The following CLN6 variants were observed in gnomAD, a reference collection of about 807,000 sequenced individuals.
The protein encoded by CLN6 is CLN6 transmembrane ER protein.
Under a neutral mutation model 33.3 loss-of-function variants are expected in CLN6, and 22 were observed. The ratio of observed to expected loss-of-function variants is 0.66; its 90% confidence interval spans 0.47 to 0.94. CLN6 has a LOEUF of 0.94. Among genes scored for constraint, CLN6 ranks in the 40% least tolerant of loss-of-function variants. The pLI is 0.00. For missense variants in CLN6, 387 were observed against 417.1 expected (o/e 0.93, Z 0.63); for synonymous variants, 201 against 174.6 (o/e 1.15, Z -1.19).
chr15:68,217,271 G>T (rs964931059), intron 2 of CLN6, among the ~76,000 whole-genome samples: 5 of 152,248 alleles, frequency 3.3e-5, no homozygotes, highest in African/African-American at 1.2e-4. Flanking sequence ...TCACTGTGTT[G>T]CCCAGGCTGG....
At chr15:68,235,589 T>TAA (rs1410087685) in intron 1 of CLN6, among the ~76,000 whole-genome samples, 1,368 of 6,080 alleles carry the variant, frequency 0.23, 8 homozygotes, top group East Asian at 0.47. Context: ...TAAAAATAAA[T>TAA]ATATATATAT....
rs987724256 is a variant in CLN6 at position 68,228,942 on chromosome 15, A to G, written c.83+560T>C. ...AACCAAAAACTGAGAAGGGCTCCTCATTCATTCTCTGGACGGCAGCTTCCG... is the reference window on the plus strand; with the variant it reads ...AACCAAAAACTGAGAAGGGCTCCTCGTTCATTCTCTGGACGGCAGCTTCCG... On this transcript the variant is annotated intron_variant, in intron 1 of 6. Transcript: ENST00000249806. This position sits in a 1 kb window ranked among gnomAD's most constrained non-coding sequence, Gnocchi z 4.4. Among the ~76,000 whole-genome samples the G allele has an allele frequency of 5.9e-5, 9 of 152,070 alleles. No individual in the cohort carries two copies. Among genetic ancestry groups the G allele is most frequent in the Admixed American group, 2.6e-4 (4 of 15,274 alleles).
rs1367255811 is a variant in CLN6 at position 68,227,725 on chromosome 15, G to C, written c.83+1777C>G. Among the ~76,000 whole-genome samples the C allele has an allele frequency of 1.4e-4, 21 of 152,214 alleles. No individual in the cohort carries two copies. Among genetic ancestry groups the C allele is most frequent in the Admixed American group, 1.4e-3 (21 of 15,282 alleles). ...GCCCTGGTTCTTGCCAGCAAATGAT[G>C]TAACCTCTTTGGGCCTCCATTTCCC... On this transcript the variant is annotated intron_variant, in intron 1 of 6. Transcript: ENST00000249806. The surrounding 1 kb of genome is among the most constrained non-coding windows in gnomAD (Gnocchi z 4.1).
In CLN6 at chr15:68,209,608, C is replaced by T. The variant is rs1384663208; in HGVS notation, c.665+29G>A. 7 of 1,610,620 alleles carry T rather than the reference C, an allele frequency of 4.3e-6. No homozygotes were observed. Among genetic ancestry groups the T allele is most frequent in the Admixed American group, 1.7e-5 (1 of 59,996 alleles). On this transcript the variant is annotated intron_variant, in intron 6 of 6. Coordinates refer to ENST00000249806, the MANE Select transcript of CLN6 (RefSeq NM_017882.3). The surrounding 1 kb of genome is among the most constrained non-coding windows in gnomAD (Gnocchi z 4.9). The stretch of plus-strand genomic sequence containing the variant: ...TGCCGTGGCTCTCTCAGTGCCCCTG[C>T]CTCTGCCCCCATGCTGATGTCCACT...
chr15:68,251,481 G>T (rs763463249), intron 1 of CLN6, among the ~76,000 whole-genome samples: 5 of 151,922 alleles, frequency 3.3e-5, no homozygotes, highest in Admixed American at 1.3e-4. Context: ...TCGAGACCAG[G>T]CTGAGCAACA....
chr15:68,218,667 C>G lies in CLN6; in HGVS notation c.84-17G>C. On this transcript the variant is annotated splice_polypyrimidine_tract_variant and intron_variant, in intron 1 of 6. Transcript: ENST00000249806. The stretch of plus-strand genomic sequence containing the variant: ...GAGCCATGCCTGGGAAGGAACCAGA[C>G]GAGAGAAGTCAGCTCTTCTCTCCTC... The G allele has an allele frequency of 6.3e-7, 1 of 1,593,234 alleles. No individual in the cohort carries two copies. Among genetic ancestry groups the G allele is most frequent in the Non-Finnish European group, 8.6e-7 (1 of 1,161,680 alleles).
intron 1 of CLN6, among the ~76,000 whole-genome samples, chr15:68,249,868 G>A (rs965989309): frequency 2.6e-5 from 4 of 152,136 alleles, no homozygotes; most frequent in Non-Finnish European, 4.4e-5. Context: ...TGCCTCCCGG[G>A]TTCAAGCGAT....
In CLN6 at chr15:68,219,753, A is replaced by T. The variant is rs1244995909; in HGVS notation, c.84-1103T>A. ...TCACCCACCTCCCTATCAGAGTCCA[A>T]ATCCTCTTTACAGAGTCCCTGCAAT... is the stretch of plus-strand genomic sequence containing the variant. On this transcript the variant is annotated intron_variant, in intron 1 of 6. Transcript: ENST00000249806. The surrounding 1 kb of genome is among the most constrained non-coding windows in gnomAD (Gnocchi z 4.2). Among the ~76,000 whole-genome samples, 2 of 152,066 alleles carry T rather than the reference A, an allele frequency of 1.3e-5. No homozygotes were observed. Among genetic ancestry groups the T allele is most frequent in the African/African-American group, 4.8e-5 (2 of 41,406 alleles).
intron 1 of CLN6, among the ~76,000 whole-genome samples, chr15:68,221,648 C>T (rs987200686): frequency 2.6e-5 from 4 of 151,770 alleles, no homozygotes; most frequent in East Asian, 3.9e-4. Context: ...TGCCCGGCCG[C>T]CACCCCATCT....
intron 3 of CLN6, 50 bp downstream of exon 3, chr15:68,214,240 T>C: frequency 7.5e-7 from 1 of 1,338,782 alleles, no homozygotes; most frequent in Non-Finnish European, 1.1e-6. Context: ...TCCTGCCAGG[T>C]GTGCAAAGAA....
rs2093263202 is a variant in CLN6, at chr15:68,229,652, C to G, written c.-68G>C. ...GACCGGTTCAGCTCGGCTGCCCCGG[C>G]GGAGGCCGCCGCAAATTCCCAGCGC... On this transcript the variant is annotated 5_prime_UTR_variant, in exon 1 of 7. Coordinates refer to ENST00000249806, the MANE Select transcript of CLN6 (RefSeq NM_017882.3). 1.6e-6 allele frequency: 2 copies of G among 1,273,448 alleles called. No individual in the cohort carries two copies. Among genetic ancestry groups the G allele is most frequent in the Admixed American group, 3.5e-5 (1 of 28,264 alleles). 78.9% of individuals were successfully genotyped at this position (1,273,448 alleles called of 1,614,324 possible).
Position 68,220,426 on chromosome 15 carries a change from G to C in CLN6, c.84-1776C>G, listed in dbSNP as rs1299071305. Among the ~76,000 whole-genome samples the C allele has an allele frequency of 6.6e-6, 1 of 152,224 alleles. No individual in the cohort carries two copies. Among genetic ancestry groups the C allele is most frequent in the African/African-American group, 2.4e-5 (1 of 41,454 alleles). ...TCCCACCCACTGCTTCTTCTGGTAA[G>C]ACATGATATTTTCTTAGCCACAGGA... On this transcript the variant is annotated intron_variant, in intron 1 of 6. Coordinates refer to ENST00000249806, the MANE Select transcript of CLN6 (RefSeq NM_017882.3). This position sits in a 1 kb window ranked among gnomAD's most constrained non-coding sequence, Gnocchi z 4.2.
chr15:68,256,531 A>T lies in CLN6; in HGVS notation c.179+159T>A, dbSNP rs555321201. 1.3e-4 allele frequency among the ~76,000 whole-genome samples: 20 copies of T among 151,940 alleles called. No individual in the cohort carries two copies. Among genetic ancestry groups the T allele is most frequent in the Non-Finnish European group, 2.5e-4 (17 of 68,008 alleles). ...ACCAATACAATACTTGTGTTATAGC[A>T]CTCCTGTATCACAGTATTTGTTATT... On this transcript the variant is annotated intron_variant, in intron 1 of 6. Transcript: ENST00000538696. This position sits in a 1 kb window ranked among gnomAD's most constrained non-coding sequence, Gnocchi z 4.1.
chr15:68,229,772 A>AGCGGAGCGGAGCGGAGGGAGGCGGG (rs1555440256), upstream of CLN6: 2 of 268,676 alleles, frequency 7.4e-6, no homozygotes, highest in African/African-American at 5.2e-5. Context: ...AGCGGAGCGG[A>AGCGGAGCGGAGCGGAGGGAGGCGGG]GCGGAGGGAG....
intron 1 of CLN6, among the ~76,000 whole-genome samples, chr15:68,245,211 C>T (rs984378295): frequency 5.9e-4 from 89 of 150,414 alleles, no homozygotes; most frequent in African/African-American, 1.6e-3. Context: ...AATAAGTTAT[C>T]GGTTTTTTTG....
In CLN6 at chr15:68,234,949, G is replaced by A. The variant is rs1892204232; in HGVS notation, c.180-16299C>T. 2.6e-5 allele frequency among the ~76,000 whole-genome samples: 4 copies of A among 152,280 alleles called. No individual in the cohort carries two copies. Among genetic ancestry groups the A allele is most frequent in the South Asian group, 2.1e-4 (1 of 4,826 alleles). The stretch of plus-strand genomic sequence containing the variant: ...GGAGAATTGCTTGAACCCGGGAGAC[G>A]GAAGTTGCAGTGAGCCAAGATTGTG... On this transcript the variant is annotated intron_variant, in intron 1 of 6. Transcript: ENST00000538696. The surrounding 1 kb of genome is among the most constrained non-coding windows in gnomAD (Gnocchi z 4.1).
At chr15:68,235,972 C>G (rs1253343314) in intron 1 of CLN6, among the ~76,000 whole-genome samples, 1 of 152,098 alleles carries the variant, frequency 6.6e-6, no homozygotes, top group Non-Finnish European at 1.5e-5. Flanking sequence ...CAAAAAATAA[C>G]ACATTTAGAG....
intron 1 of CLN6, among the ~76,000 whole-genome samples, chr15:68,240,845 G>A (rs767418184): frequency 2.0e-5 from 3 of 151,576 alleles, no homozygotes; most frequent in South Asian, 2.1e-4. Context: ...TTAGCTGGGC[G>A]TGGCGGTGGG....
Position 68,209,879 on chromosome 15 carries a change from C to T in CLN6, c.543-120G>A, listed in dbSNP as rs1381722638. 7.1e-7 allele frequency: 1 copy of T among 1,411,066 alleles called. No homozygotes were observed. Among genetic ancestry groups the T allele is most frequent in the Non-Finnish European group, 9.9e-7 (1 of 1,011,806 alleles). The allele number at this position is 1,411,066 out of a possible 1,614,324, so 87.4% of individuals were successfully genotyped here. A position where few individuals can be genotyped will look rare whatever the true frequency, so the allele number is the denominator to read the frequency against. On this transcript the variant is annotated intron_variant, in intron 5 of 6. Coordinates refer to ENST00000249806, the MANE Select transcript of CLN6 (RefSeq NM_017882.3). The surrounding 1 kb of genome is among the most constrained non-coding windows in gnomAD (Gnocchi z 4.9). Reference sequence around the variant, plus strand: ...CGTCACAGTTTACAAAACGCCTAGCCTGGGTGAGAGGCGCTCCTCTCCACC... The same window carrying T: ...CGTCACAGTTTACAAAACGCCTAGCTTGGGTGAGAGGCGCTCCTCTCCACC...
Sources: allele counts gnomAD v4.1 joint callset (sites outside exome capture counted in the v4.1 genomes callset), GRCh38; gene constraint gnomAD v4.1.1; non-coding constraint Gnocchi (gnomAD v3.1); transcripts MANE v1.5; gene names NCBI Gene and HGNC (gene_info 2026-07-23, HGNC 2026-07-21).